Variants in MAPK8IP3 observed in about 807,000 individuals in gnomAD.
The protein encoded by MAPK8IP3 is mitogen-activated protein kinase 8 interacting protein 3.
MAPK8IP3 carries 49 observed loss-of-function variants against 157.8 expected under a neutral mutation model. The ratio of observed to expected loss-of-function variants is 0.31; its 90% CI spans 0.25 to 0.39. MAPK8IP3 has a LOEUF of 0.39. Ranked by LOEUF, MAPK8IP3 falls within the 10% of genes least tolerant of loss-of-function variation. The probability of loss-of-function intolerance (pLI) is 1.00; values close to 1 mark genes in which losing one functional copy is unlikely to be tolerated. For missense variants in MAPK8IP3, 1,478 were observed against 1,889.4 expected (o/e 0.78, Z 4.04); for synonymous variants, 897 against 777.7 (o/e 1.15, Z -2.55).
At chr16:1,745,148 C>T in intron 5 of MAPK8IP3, 1 of 985,418 alleles carries the variant, frequency 1.0e-6, no homozygotes, top group African/African-American at 1.7e-5. Context: ...AGTGGTGGCC[C>T]TGTAGGGTGA....
chr16:1,712,750 C>T lies in MAPK8IP3; in HGVS notation c.318+6093C>T, dbSNP rs2037873311. 2.6e-5 allele frequency among the ~76,000 whole-genome samples: 4 copies of T among 152,220 alleles called. 1 individual carries two copies. In the South Asian group the frequency reaches 8.3e-4, roughly 32 times the overall value. On this transcript the variant is annotated intron_variant, in intron 1 of 31. Coordinates refer to ENST00000610761, the MANE Select transcript of MAPK8IP3 (RefSeq NM_001318852.2). ...AGACCTGCAGTTCCTGCCTCCTAGA[C>T]CACCTGCCCCCACCCCTCCCTCGGG...
chr16:1,735,940 CTG>C (rs556215988), intron 4 of MAPK8IP3, among the ~76,000 whole-genome samples: 7 of 118,524 alleles, frequency 5.9e-5, no homozygotes, highest in Admixed American at 1.8e-4. Flanking sequence ...GTGTGACCGT[CTG>C]TGTGAGTGTG....
intron 8 of MAPK8IP3, among the ~76,000 whole-genome samples, chr16:1,750,196 GATA>G (rs1210141466): frequency 1.3e-5 from 2 of 150,768 alleles, no homozygotes; most frequent in Non-Finnish European, 1.5e-5. Context: ...ACATAATTCA[GATA>G]ATGTTTATTT....
At position 1,767,591 on chromosome 16, in the gene MAPK8IP3, G is replaced by A; in HGVS notation, c.3265G>A (p.Glu1089Lys). ...EKSFDAHPRR[E>K]SQVRQLAWIG... Reference sequence around the variant, plus strand: ...GTCATTTGACGCCCACCCGCGGCGGGAGAGCCAGGTGCGGCAGCTGGCGTG... The same window carrying A: ...GTCATTTGACGCCCACCCGCGGCGGAAGAGCCAGGTGCGGCAGCTGGCGTG... Residue 1089 changes from glutamate (E) to lysine (K), a missense_variant, in exon 27 of 32, where the codon GAG becomes AAG. Physicochemically the swap from Glu to Lys is moderately conservative, Grantham distance 56 (BLOSUM62 1). Coordinates refer to ENST00000610761, the MANE Select transcript of MAPK8IP3 (RefSeq NM_001318852.2). 1 of 1,612,336 alleles carries A rather than the reference G, an allele frequency of 6.2e-7. No homozygotes were observed. The highest frequency in any genetic ancestry group is 8.5e-7 in the Non-Finnish European group (1 of 1,179,848).
intron 8 of MAPK8IP3, among the ~76,000 whole-genome samples, chr16:1,754,887 C>G (rs2041506941): frequency 6.6e-6 from 1 of 152,170 alleles, no homozygotes; most frequent in African/African-American, 2.4e-5. Flanking sequence ...TGCCACGTGC[C>G]CGGACCTGAA....
At chr16:1,720,792 T>C (rs1229422240) in intron 1 of MAPK8IP3, among the ~76,000 whole-genome samples, 1 of 150,788 alleles carries the variant, frequency 6.6e-6, no homozygotes, top group Non-Finnish European at 1.5e-5. Flanking sequence ...CCCAGCACTT[T>C]GGGAGGCAGA....
Position 1,767,914 on chromosome 16 carries a change from A to G in MAPK8IP3, c.3519A>G (p.Thr1173=), listed in dbSNP as rs1415589739. 6.2e-7 allele frequency: 1 copy of G among 1,610,858 alleles called. No homozygotes were observed. Residue 1173 remains threonine, a synonymous_variant, in exon 28 of 32, where the codon ACA becomes ACG. Transcript: ENST00000610761. ...GNGVVISIPL[T]ETVVLHRGQL... is the part of the protein sequence containing the mutation. ...GAGTGGTCATCTCCATCCCCCTGACAGAGAGTGAGTGGCCTGCACACCTGC... is the reference window on the plus strand; with the variant it reads ...GAGTGGTCATCTCCATCCCCCTGACGGAGAGTGAGTGGCCTGCACACCTGC...
intron 4 of MAPK8IP3, among the ~76,000 whole-genome samples, chr16:1,740,396 G>T (rs34089266): frequency 0.21 from 31,670 of 150,506 alleles, 3,456 homozygotes; most frequent in East Asian, 0.34. Flanking sequence ...GCGTGTGACC[G>T]TCCGTGTGAG....
intron 1 of MAPK8IP3, among the ~76,000 whole-genome samples, chr16:1,717,915 G>C (rs534573263): frequency 6.6e-6 from 1 of 151,490 alleles, no homozygotes; most frequent in Non-Finnish European, 1.5e-5. Context: ...GCAGTGGCAC[G>C]ATCTCAGCTC....
chr16:1,739,519 C>A (rs1205612662), intron 4 of MAPK8IP3, among the ~76,000 whole-genome samples: 1 of 111,558 alleles, frequency 9.0e-6, no homozygotes, highest in African/African-American at 3.6e-5. Flanking sequence ...TGTGACCGTC[C>A]GTGTGAGCTT....
chr16:1,729,360 T>G, intron 3 of MAPK8IP3, 127 bp from the exon 4 acceptor site: 1 of 1,248,528 alleles, frequency 8.0e-7, no homozygotes, highest in Non-Finnish European at 1.1e-6. Flanking sequence ...CCAGGCTGGT[T>G]AGATTCCCCT....
intron 8 of MAPK8IP3, among the ~76,000 whole-genome samples, chr16:1,752,789 C>A (rs1026926458): frequency 5.3e-5 from 8 of 151,214 alleles, no homozygotes; most frequent in African/African-American, 1.9e-4. Flanking sequence ...AAGAAAAAGT[C>A]AGGCAGTCCT....
chr16:1,748,652 T>C lies in MAPK8IP3; in HGVS notation c.1148T>C (p.Leu383Pro). 6.2e-7 allele frequency: 1 copy of C among 1,614,176 alleles called. No homozygotes were observed. The highest frequency in any genetic ancestry group is 8.5e-7 in the Non-Finnish European group (1 of 1,180,038). ...NKAFGINTDS[L>P]YHELSTAGSE... is the part of the protein sequence containing the mutation. ...GCTTTCGGCATCAACACCGACTCCC[T>C]GTACCATGAGCTGTCGACGGCAGGG... is the stretch of plus-strand genomic sequence containing the variant. Residue 383 changes from leucine to proline, a missense_variant, in exon 8 of 32, where the codon CTG becomes CCG. Leu to Pro is a moderately conservative substitution (Grantham distance 98). This residue lies in a region of MAPK8IP3 where 315 missense variants were observed against 394.4 expected (regional missense o/e 0.80). Coordinates refer to ENST00000610761, the MANE Select transcript of MAPK8IP3 (RefSeq NM_001318852.2).
chr16:1,744,934 T>TTTTTG, intron 5 of MAPK8IP3: 2 of 980,174 alleles, frequency 2.0e-6, no homozygotes, highest in Non-Finnish European at 2.4e-6. Flanking sequence ...TTTTTGTTGT[T>TTTTTG]TTTTGTTTTG....
intron 30 of MAPK8IP3, 29 bp from the exon 31 acceptor site, chr16:1,768,448 G>A (rs560588323): frequency 1.6e-5 from 25 of 1,587,686 alleles, no homozygotes; most frequent in East Asian, 2.3e-5. Context: ...CCAGGAGGCC[G>A]CTGTCCTGAA....
At chr16:1,760,556 G>C (rs760834101) in intron 12 of MAPK8IP3, 24 bp downstream of exon 12, 6 of 1,599,538 alleles carry the variant, frequency 3.8e-6, no homozygotes, top group Non-Finnish European at 5.1e-6. Flanking sequence ...ATGGAAAGCT[G>C]GTCAGAGAGG....
intron 5 of MAPK8IP3, chr16:1,744,252 G>A (rs967903536): frequency 1.3e-5 from 13 of 985,510 alleles, no homozygotes; most frequent in Non-Finnish European, 4.8e-6. Flanking sequence ...TTCCCACAGG[G>A]GCCGTCAGAG....
intron 4 of MAPK8IP3, among the ~76,000 whole-genome samples, chr16:1,738,686 G>A (rs897767969): frequency 9.7e-5 from 12 of 123,314 alleles, no homozygotes; most frequent in African/African-American, 3.9e-4. Context: ...GTGACCGTCC[G>A]TGTAGCATCC....
chr16:1,715,586 C>T (rs2038092976), intron 1 of MAPK8IP3, among the ~76,000 whole-genome samples: 2 of 152,132 alleles, frequency 1.3e-5, no homozygotes, highest in Admixed American at 6.5e-5. Flanking sequence ...CACCCTCATT[C>T]CCAGGGAAGG....
Sources: gnomAD v4.1 joint callset for allele counts (sites outside exome capture counted in the v4.1 genomes callset) on GRCh38, gnomAD v4.1.1 for gene constraint, gnomAD v4.1.1 regional missense constraint, MANE v1.5 for transcripts, NCBI Gene and HGNC (gene_info 2026-07-23, HGNC 2026-07-21) for gene names.